Variants in EVC observed in about 807,000 individuals in gnomAD.
EVC encodes evC complex member EVC.
EVC carries 116 observed loss-of-function variants against 118.9 expected under a neutral mutation model. That is an observed-to-expected ratio of 0.98 (90% CI 0.84 to 1.14). The LOEUF (loss-of-function observed/expected upper bound fraction) is 1.14, where lower values mean the gene tolerates loss of function less well. EVC is among the 50% of genes most tolerant of loss of function. The probability of loss-of-function intolerance (pLI) is 0.00; values close to 1 mark genes in which losing one functional copy is unlikely to be tolerated. For missense variants in EVC, 1,401 were observed against 1,246.4 expected (o/e 1.12, Z -1.87); for synonymous variants, 619 against 534.7 (o/e 1.16, Z -2.18).
In EVC at chr4:5,738,410, CA is replaced by C. The variant is rs1401809825; in HGVS notation, c.703-3303del. Among the ~76,000 whole-genome samples the C allele has an allele frequency of 6.6e-6, 1 of 152,098 alleles. No individual in the cohort carries two copies. Among genetic ancestry groups the C allele is most frequent in the African/African-American group, 2.4e-5 (1 of 41,408 alleles). Reference sequence around the variant, plus strand: ...CCAAGTTTTAAAGTTCTACTGTGGGCAAATTGCTATCGAATAGCATGGCACG... The same window carrying C: ...CCAAGTTTTAAAGTTCTACTGTGGGCAATTGCTATCGAATAGCATGGCACG... On this transcript the variant is annotated intron_variant, in intron 5 of 20. Coordinates refer to ENST00000264956, the MANE Select transcript of EVC (RefSeq NM_153717.3). The surrounding 1 kb of genome is among the most constrained non-coding windows in gnomAD (Gnocchi z 6.5).
In EVC at chr4:5,797,492, TC is replaced by T. The variant is rs1370906806; in HGVS notation, c.2097+263del. ...GGCCGCTTTGATTCTGAGACCGCACTCCCTGGCTTGTAGATGACTGTCTTCA... is the reference window on the plus strand; with the variant it reads ...GGCCGCTTTGATTCTGAGACCGCACTCCTGGCTTGTAGATGACTGTCTTCA... On this transcript the variant is annotated intron_variant, in intron 14 of 20. Coordinates refer to ENST00000264956, the MANE Select transcript of EVC (RefSeq NM_153717.3). The T allele has an allele frequency of 1.4e-5, 8 of 569,300 alleles. No individual in the cohort carries two copies. The South Asian group carries it at 1.6e-4, about 11-fold the overall frequency. 35.3% of individuals were successfully genotyped at this position (569,300 alleles called of 1,614,324 possible).
chr4:5,742,086 T>G lies in EVC; in HGVS notation c.801+272T>G, dbSNP rs1219890227. On this transcript the variant is annotated intron_variant, in intron 6 of 20. Coordinates refer to ENST00000264956, the MANE Select transcript of EVC (RefSeq NM_153717.3). This position sits in a 1 kb window ranked among gnomAD's most constrained non-coding sequence, Gnocchi z 5.2. The stretch of plus-strand genomic sequence containing the variant: ...TGTTAATGTTTTTTTCTGCACACAT[T>G]TGGGATATTTTTAAAGACATAATTT... 6.6e-6 allele frequency among the ~76,000 whole-genome samples: 1 copy of G among 152,188 alleles called. No individual in the cohort carries two copies. The highest frequency in any genetic ancestry group is 1.5e-5 in the Non-Finnish European group (1 of 68,038).
At chr4:5,818,838 A>G (rs369790038), downstream of EVC, among the ~76,000 whole-genome samples, 9 of 152,344 alleles carry the variant, frequency 5.9e-5, no homozygotes, top group South Asian at 1.9e-3. Flanking sequence ...TCAGGTATTC[A>G]GTTACAGTGA....
At position 5,809,510 on chromosome 4, in the gene EVC, C is replaced by G. The variant is rs563348040; in HGVS notation, c.2689-8C>G. Reference sequence around the variant, plus strand: ...CCAGCTGAATGCTCCTCTCTGCTTGCATTTCAGGAAGCTGAACAGAACTTC... The same window carrying G: ...CCAGCTGAATGCTCCTCTCTGCTTGGATTTCAGGAAGCTGAACAGAACTTC... On this transcript the variant is annotated splice_polypyrimidine_tract_variant and splice_region_variant and intron_variant, in intron 18 of 20. Coordinates refer to ENST00000264956, the MANE Select transcript of EVC (RefSeq NM_153717.3). The G allele has an allele frequency of 6.2e-7, 1 of 1,613,988 alleles. No individual in the cohort carries two copies. Among genetic ancestry groups the G allele is most frequent in the African/African-American group, 1.3e-5 (1 of 75,058 alleles).
intron 8 of EVC, 104 bp downstream of exon 8, chr4:5,748,410 GT>G: frequency 7.8e-7 from 1 of 1,276,282 alleles, no homozygotes; most frequent in Non-Finnish European, 1.1e-6. Context: ...GTTGTAGCTG[GT>G]TATATAGAGC....
intron 18 of EVC, 134 bp downstream of exon 18, chr4:5,808,461 T>G: frequency 7.1e-7 from 1 of 1,403,196 alleles, no homozygotes. Flanking sequence ...ACCCGCTGAG[T>G]CTCACCTGCT....
chr4:5,781,717 A>G (rs989934124), intron 11 of EVC, among the ~76,000 whole-genome samples: 3 of 152,146 alleles, frequency 2.0e-5, no homozygotes, highest in Admixed American at 6.5e-5. Flanking sequence ...CATACACTCT[A>G]TAGTCCCAGC....
rs758770136 is a variant in EVC at position 5,731,451 on chromosome 4, G to A, written c.411G>A (p.Pro137=). ...FRPLADGSSN[P]SLHENLKQAV... ...CTCTGGCCGATGGCTCCTCCAACCCGTCTCTGCATGAAAACTTAAAGCAGG... is the reference window on the plus strand; with the variant it reads ...CTCTGGCCGATGGCTCCTCCAACCCATCTCTGCATGAAAACTTAAAGCAGG... Residue 137 remains proline (P), a synonymous_variant, in exon 4 of 21, where the codon CCG becomes CCA. Coordinates refer to ENST00000264956, the MANE Select transcript of EVC (RefSeq NM_153717.3). This position sits in a 1 kb window ranked among gnomAD's most constrained non-coding sequence, Gnocchi z 5.6. 46 of 1,613,228 alleles carry A rather than the reference G, an allele frequency of 2.9e-5. No individual in the cohort carries two copies. The highest frequency in any genetic ancestry group is 1.1e-4 in the East Asian group (5 of 44,888).
At chr4:5,768,191 G>A (rs1027018686) in intron 11 of EVC, among the ~76,000 whole-genome samples, 5 of 152,146 alleles carry the variant, frequency 3.3e-5, no homozygotes, top group African/African-American at 7.2e-5. Context: ...CTTGGAAGAC[G>A]TTGCAGACTG....
chr4:5,796,769 A>C (rs183061062), intron 13 of EVC, among the ~76,000 whole-genome samples: 2 of 151,966 alleles, frequency 1.3e-5, no homozygotes, highest in Non-Finnish European at 2.9e-5. Context: ...GTGGCTGCAT[A>C]CCATAGGCTG....
chr4:5,764,113 G>C lies in EVC; in HGVS notation c.1563+7751G>C, dbSNP rs1478748659. On this transcript the variant is annotated intron_variant, in intron 11 of 20. Transcript: ENST00000264956. ...TTTCTTGAGAGTTTTTAGCATGAAG[G>C]GTTGTTGAATTTTGTCAAAGGCCTT... Among the ~76,000 whole-genome samples, 52 of 145,328 alleles carry C rather than the reference G, an allele frequency of 3.6e-4. No homozygotes were observed. In the South Asian group the frequency reaches 6.6e-3, roughly 19 times the overall value.
chr4:5,793,718 G>C lies in EVC; in HGVS notation c.1886+1G>C, dbSNP rs753679094. 1.9e-6 allele frequency: 3 copies of C among 1,548,752 alleles called. No individual in the cohort carries two copies. Among genetic ancestry groups the C allele is most frequent in the Non-Finnish European group, 1.7e-6 (2 of 1,145,894 alleles). On this transcript the variant is annotated splice_donor_variant, in intron 13 of 20. Coordinates refer to ENST00000264956, the MANE Select transcript of EVC (RefSeq NM_153717.3). LOFTEE classifies it high-confidence loss of function. ...GCCGACTGGGCGGCCTCACTGAAGA[G>C]TGAGTACAGCTCCCTGAAGGCCCAG...
chr4:5,783,653 C>T lies in EVC; in HGVS notation c.1665C>T (p.Asp555=). The change falls in exon 12 of 21, where the codon GAC becomes GAT. Residue 555 remains aspartate (D), a synonymous_variant. Transcript: ENST00000264956. ...GMTGLPPEEC[D]YLRQEVQENA... ...CTGGCCTCCCCCCGGAAGAGTGTGA[C>T]TACTTGAGGCAGGAAGTCCAGGAGA... 1 of 1,614,170 alleles carries T rather than the reference C, an allele frequency of 6.2e-7. No individual in the cohort carries two copies. Among genetic ancestry groups the T allele is most frequent in the Non-Finnish European group, 8.5e-7 (1 of 1,180,028 alleles).
At chr4:5,824,329 G>T in the EVC span, 3 of 985,380 alleles carry the variant, frequency 3.0e-6, no homozygotes, top group East Asian at 3.4e-4. Context: ...GCAAAAATAT[G>T]AAACACTGGA....
Position 5,801,945 on chromosome 4 carries a change from C to A in EVC, c.2305-5C>A, listed in dbSNP as rs760071065. 1 of 1,612,886 alleles carries A rather than the reference C, an allele frequency of 6.2e-7. No individual in the cohort carries two copies. The highest frequency in any genetic ancestry group is 8.5e-7 in the Non-Finnish European group (1 of 1,179,912). On this transcript the variant is annotated splice_polypyrimidine_tract_variant and splice_region_variant and intron_variant, in intron 15 of 20. Coordinates refer to ENST00000264956, the MANE Select transcript of EVC (RefSeq NM_153717.3). ...GCTGTCCCTGTCCTTCCTTTCTTCC[C>A]TCAGAGGACACTGATGGAGGCGGCA...
chr4:5,828,253 G>A, the EVC span: 3 of 985,268 alleles, frequency 3.0e-6, no homozygotes, highest in East Asian at 2.3e-4. Context: ...ACCCTCACGG[G>A]TGCACACCCC....
At chr4:5,712,685 A>G (rs542648718) in intron 1 of EVC, among the ~76,000 whole-genome samples, 3 of 152,168 alleles carry the variant, frequency 2.0e-5, no homozygotes, top group Non-Finnish European at 2.9e-5. Context: ...TTGGTGACTC[A>G]TGGGGAGCAT....
intron 12 of EVC, 137 bp downstream of exon 12, chr4:5,783,901 A>C (rs1001273030): frequency 2.5e-6 from 2 of 788,408 alleles, no homozygotes; most frequent in Admixed American, 4.3e-5. Flanking sequence ...CCTCCCTTTC[A>C]CAATGGCCCA....
At position 5,806,407 on chromosome 4, in the gene EVC, C is replaced by T. The variant is rs551529645; in HGVS notation, c.2561+1566C>T. 2.6e-5 allele frequency among the ~76,000 whole-genome samples: 4 copies of T among 152,220 alleles called. No individual in the cohort carries two copies. The South Asian group carries it at 8.3e-4, about 32-fold the overall frequency. On this transcript the variant is annotated intron_variant, in intron 17 of 20. Transcript: ENST00000264956. Reference sequence around the variant, plus strand: ...TCATTCTACTCGCTGTGTCCATGTGCACACATTATTGAGCTCCCACTCATA... The same window carrying T: ...TCATTCTACTCGCTGTGTCCATGTGTACACATTATTGAGCTCCCACTCATA...
Sources: allele counts gnomAD v4.1 joint callset (sites outside exome capture counted in the v4.1 genomes callset), GRCh38; gene constraint gnomAD v4.1.1; non-coding constraint Gnocchi (gnomAD v3.1); transcripts MANE v1.5; gene names NCBI Gene and HGNC (gene_info 2026-07-23, HGNC 2026-07-21).